Variants in CLGN observed in about 807,000 individuals in gnomAD.
The protein encoded by CLGN is testis tissue sperm-binding protein Li 79P.
CLGN carries 62 observed loss-of-function variants against 79.1 expected under a neutral mutation model. The observed-to-expected ratio is 0.78, with a 90% CI of 0.64 to 0.97. The LOEUF (loss-of-function observed/expected upper bound fraction) is 0.97. CLGN is among the 50% of genes least tolerant of loss of function. The pLI is 0.00. For missense variants in CLGN, 647 were observed against 715.5 expected (o/e 0.90, Z 1.09); for synonymous variants, 225 against 224.7 (o/e 1.00, Z -0.01).
At chr4:140,413,339 G>C (rs1729249539) in intron 1 of CLGN, among the ~76,000 whole-genome samples, 1 of 152,148 alleles carries the variant, frequency 6.6e-6, no homozygotes. Context: ...AAAATCTAAA[G>C]ATGGGGGGAG....
chr4:140,413,343 G>A (rs1387264068), intron 1 of CLGN, among the ~76,000 whole-genome samples: 1 of 152,184 alleles, frequency 6.6e-6, no homozygotes, highest in African/African-American at 2.4e-5. Flanking sequence ...TCTAAAGATG[G>A]GGGGAGGAGC....
chr4:140,409,831 T>C lies in CLGN; in HGVS notation c.277+6A>G. On this transcript the variant is annotated splice_donor_region_variant and intron_variant, in intron 4 of 14. Coordinates refer to ENST00000325617, the MANE Select transcript of CLGN (RefSeq NM_004362.3). ...GTTATATCTAATACTTAAATAAATATTTTACCATCGTATATTGAAATTTCC... is the reference window on the plus strand; with the variant it reads ...GTTATATCTAATACTTAAATAAATACTTTACCATCGTATATTGAAATTTCC... 1.3e-6 allele frequency: 2 copies of C among 1,556,446 alleles called. No individual in the cohort carries two copies. Among genetic ancestry groups the C allele is most frequent in the Non-Finnish European group, 1.8e-6 (2 of 1,133,082 alleles).
At position 140,404,095 on chromosome 4, in the gene CLGN, A is replaced by T. The variant is rs544904265; in HGVS notation, c.419+1847T>A. Among the ~76,000 whole-genome samples the T allele has an allele frequency of 3.1e-3, 457 of 148,532 alleles. 7 individuals carry two copies. In the South Asian group the frequency reaches 0.041, roughly 13 times the overall value. On this transcript the variant is annotated intron_variant, in intron 5 of 14. Transcript: ENST00000325617. The stretch of plus-strand genomic sequence containing the variant: ...TAATTTTATTTTTATTTATTTATTT[A>T]TTTTTTTTTTGAGACAGTCTCACTC...
At chr4:140,414,363 G>A (rs1438840645) in intron 1 of CLGN, among the ~76,000 whole-genome samples, 6 of 150,960 alleles carry the variant, frequency 4.0e-5, no homozygotes, top group African/African-American at 9.7e-5. Flanking sequence ...TGACTTTGAC[G>A]AGCTGAGAGA....
chr4:140,405,707 A>G (rs1013307090), intron 5 of CLGN, among the ~76,000 whole-genome samples: 3 of 152,204 alleles, frequency 2.0e-5, no homozygotes, highest in African/African-American at 7.2e-5. Context: ...AAACAAATAT[A>G]AATATTAGTA....
rs1004367370 is a variant in CLGN, at chr4:140,417,966, A to G, written c.-9-4879T>C. ...ACTTCAAACTATACTACAAGGCTACAGTAACCAAAACAGCATGGTACTGGT... is the reference window on the plus strand; with the variant it reads ...ACTTCAAACTATACTACAAGGCTACGGTAACCAAAACAGCATGGTACTGGT... On this transcript the variant is annotated intron_variant, in intron 1 of 14. Transcript: ENST00000325617. 2.0e-5 allele frequency among the ~76,000 whole-genome samples: 3 copies of G among 152,350 alleles called. No individual in the cohort carries two copies. The South Asian group carries it at 6.2e-4, about 32-fold the overall frequency.
At position 140,399,295 on chromosome 4, in the gene CLGN, T is replaced by C. The variant is rs532708313; in HGVS notation, c.695-255A>G. On this transcript the variant is annotated intron_variant, in intron 7 of 14. Coordinates refer to ENST00000325617, the MANE Select transcript of CLGN (RefSeq NM_004362.3). Reference sequence around the variant, plus strand: ...TTCTCAAATAAAAAATAATACCAAATAGCTCTGTTTTGGGACTCATAACGA... The same window carrying C: ...TTCTCAAATAAAAAATAATACCAAACAGCTCTGTTTTGGGACTCATAACGA... Among the ~76,000 whole-genome samples the C allele has an allele frequency of 5.8e-4, 89 of 152,332 alleles. 1 individual carries two copies. The highest frequency in any genetic ancestry group is 1.9e-3 in the African/African-American group (79 of 41,590).
chr4:140,425,138 A>C (rs376231558), intron 1 of CLGN, among the ~76,000 whole-genome samples: 56 of 152,348 alleles, frequency 3.7e-4, no homozygotes, highest in Non-Finnish European at 6.6e-4. Context: ...TTGCTGGCTG[A>C]TCACAAGGGT....
At chr4:140,389,438 ATAAAGT>A (rs540425708) in intron 14 of CLGN, 134 bp from the exon 15 acceptor site, 92 of 667,308 alleles carry the variant, frequency 1.4e-4, no homozygotes, top group African/African-American at 1.3e-3. Context: ...ATTATATGAA[ATAAAGT>A]TATAGTTATT....
intron 13 of CLGN, among the ~76,000 whole-genome samples, chr4:140,391,941 T>A (rs1728780780): frequency 6.6e-6 from 1 of 151,766 alleles, no homozygotes; most frequent in South Asian, 2.1e-4. Flanking sequence ...CCAAGAAACA[T>A]CCTTGCAAAA....
rs201262030 is a variant in CLGN at position 140,396,872 on chromosome 4, T to C, written c.885-667A>G. Reference sequence around the variant, plus strand: ...CATGCCTGGCTGGAGCATATATATATACATATATATATATATATGTATATA... The same window carrying C: ...CATGCCTGGCTGGAGCATATATATACACATATATATATATATATGTATATA... On this transcript the variant is annotated intron_variant, in intron 8 of 14. Coordinates refer to ENST00000325617, the MANE Select transcript of CLGN (RefSeq NM_004362.3). 1.3e-3 allele frequency among the ~76,000 whole-genome samples: 50 copies of C among 37,510 alleles called. No homozygotes were observed. The East Asian group carries it at 0.024, about 18-fold the overall frequency. The allele number at this position is 37,510 out of a possible 152,430, so 24.6% of individuals were successfully genotyped here.
intron 5 of CLGN, among the ~76,000 whole-genome samples, chr4:140,403,166 T>G (rs1263764829): frequency 6.6e-6 from 1 of 152,194 alleles, no homozygotes; most frequent in Non-Finnish European, 1.5e-5. Context: ...GCCACAAGCA[T>G]GTACTTTAAA....
intron 7 of CLGN, 43 bp downstream of exon 7, chr4:140,400,310 TAGTC>T: frequency 7.3e-7 from 1 of 1,363,074 alleles, no homozygotes; most frequent in Non-Finnish European, 1.0e-6. Flanking sequence ...AATACATCAA[TAGTC>T]AGCAAATATT....
intron 1 of CLGN, among the ~76,000 whole-genome samples, chr4:140,423,590 G>T (rs184449715): frequency 1.3e-5 from 2 of 152,186 alleles, no homozygotes; most frequent in Non-Finnish European, 2.9e-5. Context: ...GGAAGAATTT[G>T]AGGAGGACTG....
At chr4:140,413,599 G>A (rs1375216531) in intron 1 of CLGN, among the ~76,000 whole-genome samples, 2 of 152,148 alleles carry the variant, frequency 1.3e-5, no homozygotes, top group African/African-American at 2.4e-5. Flanking sequence ...GGTGACGGAC[G>A]GCACCTGGAA....
intron 1 of CLGN, among the ~76,000 whole-genome samples, chr4:140,413,362 C>T (rs904780613): frequency 6.6e-6 from 1 of 152,118 alleles, no homozygotes; most frequent in Non-Finnish European, 1.5e-5. Context: ...GCCAAGATGG[C>T]CGAATAGGAA....
At chr4:140,412,886 T>C (rs553488717) in intron 2 of CLGN, 49 bp downstream of exon 2, 9 of 1,507,080 alleles carry the variant, frequency 6.0e-6, no homozygotes, top group Middle Eastern at 1.8e-4. Context: ...AATCACTTCA[T>C]TGTACTATGT....
chr4:140,392,182 C>T (rs369035108), intron 13 of CLGN, 37 bp downstream of exon 13: 1 of 1,603,010 alleles, frequency 6.2e-7, no homozygotes, highest in South Asian at 1.1e-5. Flanking sequence ...TGAGCTTTAC[C>T]CAGAGTCTCC....
intron 1 of CLGN, among the ~76,000 whole-genome samples, chr4:140,413,769 G>A (rs1013236118): frequency 6.6e-6 from 1 of 152,186 alleles, no homozygotes; most frequent in East Asian, 1.9e-4. Context: ...AGGCGGCAGC[G>A]AGGCTGGGGG....
Sources: allele counts gnomAD v4.1 joint callset (sites outside exome capture counted in the v4.1 genomes callset), GRCh38; gene constraint gnomAD v4.1.1; transcripts MANE v1.5; gene names NCBI Gene and HGNC (gene_info 2026-07-23, HGNC 2026-07-21).